Variants in SCUBE3 observed in about 807,000 individuals in gnomAD.
SCUBE3 encodes signal peptide, CUB domain and EGF like domain containing 3.
A neutral mutation model predicts 116.8 loss-of-function variants in SCUBE3; 33 were observed. That is an observed-to-expected ratio of 0.28 (90% CI 0.21 to 0.38). The LOEUF is 0.38. Ranked by LOEUF, SCUBE3 falls within the 10% of genes least tolerant of loss-of-function variation. SCUBE3 has a pLI of 1.00. For missense variants in SCUBE3, 1,007 were observed against 1,324.8 expected (o/e 0.76, Z 3.72); for synonymous variants, 418 against 496.9 (o/e 0.84, Z 2.11).
In SCUBE3 at chr6:35,231,627, G is replaced by A. The variant is rs1562048011; in HGVS notation, c.335-98G>A. 4.8e-6 allele frequency: 5 copies of A among 1,047,202 alleles called. No individual in the cohort carries two copies. Among genetic ancestry groups the A allele is most frequent in the East Asian group, 2.7e-5 (1 of 37,676 alleles). 64.9% of individuals were successfully genotyped at this position (1,047,202 alleles called of 1,614,324 possible). A position where few individuals can be genotyped will look rare whatever the true frequency, so the allele number is the denominator to read the frequency against. ...CCTGGCTTAAGGCTGGGCTTAGGGGGTAGTAGTTCTTAAGACTGCCTTTGG... is the reference window on the plus strand; with the variant it reads ...CCTGGCTTAAGGCTGGGCTTAGGGGATAGTAGTTCTTAAGACTGCCTTTGG... On this transcript the variant is annotated intron_variant, in intron 3 of 21. Coordinates refer to ENST00000274938, the MANE Select transcript of SCUBE3 (RefSeq NM_152753.4). This position sits in a 1 kb window ranked among gnomAD's most constrained non-coding sequence, Gnocchi z 4.2.
At chr6:35,242,428 A>G (rs1308297942) in intron 13 of SCUBE3, 108 bp downstream of exon 13, 4 of 965,316 alleles carry the variant, frequency 4.1e-6, no homozygotes, top group Admixed American at 3.8e-5. Flanking sequence ...CTCTAGGCAG[A>G]GCAGAGGAAA....
At chr6:35,247,190 T>C (rs1369974130) in intron 21 of SCUBE3, among the ~76,000 whole-genome samples, 1 of 151,962 alleles carries the variant, frequency 6.6e-6, no homozygotes, top group Non-Finnish European at 1.5e-5. Flanking sequence ...ATCCCAGCAC[T>C]TTGGGGGGCT....
rs535924522 is a variant in SCUBE3, at chr6:35,214,861, T to TA, written c.85+359dup. On this transcript the variant is annotated intron_variant, in intron 1 of 21. Coordinates refer to ENST00000274938, the MANE Select transcript of SCUBE3 (RefSeq NM_152753.4). This position sits in a 1 kb window ranked among gnomAD's most constrained non-coding sequence, Gnocchi z 6.3. The stretch of plus-strand genomic sequence containing the variant: ...CTTCTCTCAAACATTGCCAGAAACT[T>TA]ACGCTGTGGCCTGGAGAGACTGAGG... Among the ~76,000 whole-genome samples the TA allele has an allele frequency of 1.1e-3, 165 of 152,334 alleles. No homozygotes were observed. The highest frequency in any genetic ancestry group is 2.1e-3 in the Non-Finnish European group (142 of 68,030).
At position 35,243,265 on chromosome 6, in the gene SCUBE3, G is replaced by A; in HGVS notation, c.1909+29G>A. ...AGGGAGCTTACTGGGGAGCAGGGAT[G>A]TAGGAAAGACCCAGTTTGGGCCTGA... is the stretch of plus-strand genomic sequence containing the variant. On this transcript the variant is annotated intron_variant, in intron 15 of 21. Transcript: ENST00000274938. The surrounding 1 kb of genome is among the most constrained non-coding windows in gnomAD (Gnocchi z 6.6). 1.3e-6 allele frequency: 2 copies of A among 1,590,894 alleles called. No individual in the cohort carries two copies. The highest frequency in any genetic ancestry group is 1.7e-6 in the Non-Finnish European group (2 of 1,162,484).
At chr6:35,218,242 G>A (rs1562040429) in intron 1 of SCUBE3, 1 of 598,766 alleles carries the variant, frequency 1.7e-6, no homozygotes, top group Non-Finnish European at 2.1e-6. Flanking sequence ...ACGTGTGAAT[G>A]TGTGTGCATG....
chr6:35,242,448 T>A, intron 13 of SCUBE3, 128 bp downstream of exon 13: 1 of 911,256 alleles, frequency 1.1e-6, no homozygotes, highest in Non-Finnish European at 1.8e-6. Flanking sequence ...AAAGCAGCTG[T>A]AGGCATAGCA....
Position 35,235,722 on chromosome 6 carries a change from C to T in SCUBE3, c.713-2180C>T, listed in dbSNP as rs1191847370. Among the ~76,000 whole-genome samples, 3 of 152,094 alleles carry T rather than the reference C, an allele frequency of 2.0e-5. No individual in the cohort carries two copies. In the East Asian group the frequency reaches 5.8e-4, roughly 29 times the overall value. ...ATGTTGGTCTCGTCTTTGTTCCTGT[C>T]ACTCTCCTTCTGCCCTTCCTCTTCT... On this transcript the variant is annotated intron_variant, in intron 6 of 21. Transcript: ENST00000274938. The surrounding 1 kb of genome is among the most constrained non-coding windows in gnomAD (Gnocchi z 4.5).
rs372398154 is a variant in SCUBE3, at chr6:35,228,573, C to T, written c.209-41C>T. The T allele has an allele frequency of 5.6e-6, 9 of 1,607,828 alleles. No homozygotes were observed. The highest frequency in any genetic ancestry group is 3.4e-4 in the Middle Eastern group (2 of 5,900). ...TGAGTCTGGGGGTGGACAGTGGGTT[C>T]GCAGGTGGGTTCAGCTGTCTCAGCT... On this transcript the variant is annotated intron_variant, in intron 2 of 21. Coordinates refer to ENST00000274938, the MANE Select transcript of SCUBE3 (RefSeq NM_152753.4). This position sits in a 1 kb window ranked among gnomAD's most constrained non-coding sequence, Gnocchi z 4.9.
intron 3 of SCUBE3, among the ~76,000 whole-genome samples, chr6:35,229,714 C>T (rs1047165430): frequency 4.6e-5 from 7 of 152,128 alleles, no homozygotes; most frequent in Non-Finnish European, 8.8e-5. Context: ...CAACTTTGGT[C>T]TCTGTCATTT....
Position 35,214,317 on chromosome 6 carries a change from G to GCCCCCC in SCUBE3, c.-97_-96insCCCCCC. 4.8e-6 allele frequency: 3 copies of GCCCCCC among 622,882 alleles called. No individual in the cohort carries two copies. Among genetic ancestry groups the GCCCCCC allele is most frequent in the African/African-American group, 3.9e-5 (2 of 50,698 alleles). 38.6% of individuals were successfully genotyped at this position (622,882 alleles called of 1,614,324 possible). A position where few individuals can be genotyped will look rare whatever the true frequency, so the allele number is the denominator to read the frequency against. The stretch of plus-strand genomic sequence containing the variant: ...GCCCCCGGCCTGGCCCCGGCGGGGC[G>GCCCCCC]CCCCCTCCCCTCCCCCTCCTGCGAG... On this transcript the variant is annotated 5_prime_UTR_variant, in exon 1 of 22. Transcript: ENST00000274938. The surrounding 1 kb of genome is among the most constrained non-coding windows in gnomAD (Gnocchi z 6.3).
intron 1 of SCUBE3, among the ~76,000 whole-genome samples, chr6:35,225,019 C>A (rs1402209718): frequency 6.6e-6 from 1 of 152,162 alleles, no homozygotes; most frequent in African/African-American, 2.4e-5. Context: ...TGGCCTGTGG[C>A]TAGTGCAACT....
chr6:35,242,655 T>C lies in SCUBE3; in HGVS notation c.1568T>C (p.Phe523Ser), dbSNP rs1170331232. 2.5e-6 allele frequency: 4 copies of C among 1,613,440 alleles called. No individual in the cohort carries two copies. Among genetic ancestry groups the C allele is most frequent in the Admixed American group, 1.7e-5 (1 of 59,998 alleles). Reference protein sequence around the residue: ...GAPCSECQVTFIHLKCDSSRK... With the variant: ...GAPCSECQVTSIHLKCDSSRK... Reference sequence around the variant, plus strand: ...CCCTGCTCTGAATGCCAGGTCACCTTCATCCACCTTAAGTGTGACTCCTCT... The same window carrying C: ...CCCTGCTCTGAATGCCAGGTCACCTCCATCCACCTTAAGTGTGACTCCTCT... Residue 523 changes from phenylalanine to serine, a missense_variant, in exon 14 of 22, where the codon TTC (phenylalanine) becomes TCC (serine). This residue lies in a region of SCUBE3 where 544 missense variants were observed against 638.9 expected (regional missense o/e 0.85). Transcript: ENST00000274938.
In SCUBE3 at chr6:35,243,971, C is replaced by T. The variant is rs768689565; in HGVS notation, c.2080C>T (p.Pro694Ser). ...CCCTTGATTCATTGCAGGTCAGTGC[C>T]CACCTGGCCAACACTCTGTAGATGG... ...TNVTTCAGQC[P>S]PGQHSVDGFK... is the part of the protein sequence containing the mutation. Residue 694 changes from proline to serine, a missense_variant, in exon 17 of 22, where the codon CCA becomes TCA. Physicochemically the swap from Pro to Ser is moderately conservative, Grantham distance 74. This residue lies in a region of SCUBE3 where 544 missense variants were observed against 638.9 expected (regional missense o/e 0.85). Transcript: ENST00000274938. The surrounding 1 kb of genome is among the most constrained non-coding windows in gnomAD (Gnocchi z 6.6). 4 of 1,613,744 alleles carry T rather than the reference C, an allele frequency of 2.5e-6. No individual in the cohort carries two copies. Among genetic ancestry groups the T allele is most frequent in the Non-Finnish European group, 3.4e-6 (4 of 1,179,766 alleles).
rs190285570 is a variant in SCUBE3 at position 35,235,965 on chromosome 6, T to A, written c.713-1937T>A. ...AGTCCCAGCATCACTCACCATTCTC[T>A]CCTACCGTAATGGCTAAGAGCATGG... On this transcript the variant is annotated intron_variant, in intron 6 of 21. Coordinates refer to ENST00000274938, the MANE Select transcript of SCUBE3 (RefSeq NM_152753.4). This position sits in a 1 kb window ranked among gnomAD's most constrained non-coding sequence, Gnocchi z 4.5. Among the ~76,000 whole-genome samples the A allele has an allele frequency of 6.6e-6, 1 of 152,166 alleles. No homozygotes were observed. The highest frequency in any genetic ancestry group is 2.4e-5 in the African/African-American group (1 of 41,516).
chr6:35,222,731 C>T (rs1783161906), intron 1 of SCUBE3: 1 of 152,220 alleles, frequency 6.6e-6, no homozygotes, highest in Non-Finnish European at 1.5e-5. Flanking sequence ...CAGTTCCCAG[C>T]ACAGGTAGAG....
chr6:35,242,818 G>C (rs770786377), intron 14 of SCUBE3, 38 bp downstream of exon 14: 1 of 1,604,514 alleles, frequency 6.2e-7, no homozygotes, highest in African/African-American at 1.3e-5. Flanking sequence ...GGACTGGAAG[G>C]GGAGGGCAGA....
At chr6:35,217,727 G>A (rs913840696) in intron 1 of SCUBE3, among the ~76,000 whole-genome samples, 16 of 152,062 alleles carry the variant, frequency 1.1e-4, no homozygotes, top group Admixed American at 9.2e-4. Flanking sequence ...GCGGGTAAGG[G>A]TGGCCCCGTG....
At chr6:35,216,762 C>G (rs975076980) in intron 1 of SCUBE3, among the ~76,000 whole-genome samples, 4 of 152,142 alleles carry the variant, frequency 2.6e-5, no homozygotes, top group African/African-American at 7.2e-5. Context: ...AATCAAATAC[C>G]CTTGGCAAGT....
In SCUBE3 at chr6:35,243,813, G is replaced by C; in HGVS notation, c.2071+58G>C. Reference sequence around the variant, plus strand: ...AGGGTGGGCACTGGGATGCCCATGGGCATGGGATTTCCCAAAGGGCAGGCC... The same window carrying C: ...AGGGTGGGCACTGGGATGCCCATGGCCATGGGATTTCCCAAAGGGCAGGCC... On this transcript the variant is annotated intron_variant, in intron 16 of 21. Transcript: ENST00000274938. The surrounding 1 kb of genome is among the most constrained non-coding windows in gnomAD (Gnocchi z 6.6). 1.3e-6 allele frequency: 2 copies of C among 1,575,082 alleles called. No individual in the cohort carries two copies. Among genetic ancestry groups the C allele is most frequent in the Non-Finnish European group, 1.7e-6 (2 of 1,149,634 alleles).
Sources: allele counts gnomAD v4.1 joint callset (sites outside exome capture counted in the v4.1 genomes callset), GRCh38; gene constraint gnomAD v4.1.1; regional missense constraint gnomAD v4.1.1; non-coding constraint Gnocchi (gnomAD v3.1); transcripts MANE v1.5; gene names NCBI Gene and HGNC (gene_info 2026-07-23, HGNC 2026-07-21).